Variants in PGM5 observed in about 807,000 individuals in gnomAD.
PGM5 encodes the protein phosphoglucomutase-like protein 5.
A neutral mutation model predicts 59.2 loss-of-function variants in PGM5; 23 were observed. The observed-to-expected ratio is 0.39, with a 90% CI of 0.28 to 0.55. PGM5 has a LOEUF of 0.55. Among genes scored for constraint, PGM5 ranks in the 20% least tolerant of loss-of-function variants. The pLI, the probability that PGM5 is intolerant of heterozygous loss-of-function variation, is 0.66. For synonymous variants in PGM5, 214 were observed against 286.0 expected (o/e 0.75, Z 2.54); for missense variants, 574 against 748.3 (o/e 0.77, Z 2.72).
chr9:68,418,934 G>C (rs1018665947), intron 6 of PGM5, among the ~76,000 whole-genome samples: 2 of 152,122 alleles, frequency 1.3e-5, no homozygotes, highest in African/African-American at 2.4e-5. Context: ...AGGCTTATGC[G>C]AGCTTTATAG....
intron 6 of PGM5, among the ~76,000 whole-genome samples, chr9:68,413,534 C>T (rs2987717): frequency 6.6e-6 from 1 of 152,328 alleles, no homozygotes; most frequent in South Asian, 2.1e-4. Context: ...ATGCTCTTAC[C>T]TTCAGGAAAA....
chr9:68,512,213 G>C (rs1311372870), intron 10 of PGM5, among the ~76,000 whole-genome samples: 2 of 152,222 alleles, frequency 1.3e-5, no homozygotes, highest in Non-Finnish European at 2.9e-5. Flanking sequence ...ATGAAAGGCA[G>C]GTTCATTGAA....
intron 4 of PGM5, among the ~76,000 whole-genome samples, chr9:68,388,293 A>G (rs537040902): frequency 3.9e-4 from 56 of 144,474 alleles, no homozygotes; most frequent in Non-Finnish European, 6.4e-4. Context: ...ATTTCCTTGG[A>G]AACAGCAATT....
chr9:68,407,822 C>T (rs536430891), intron 6 of PGM5, among the ~76,000 whole-genome samples: 1 of 152,358 alleles, frequency 6.6e-6, no homozygotes, highest in East Asian at 1.9e-4. Flanking sequence ...GAGAAACATC[C>T]TGAGCAAAAG....
At chr9:68,423,906 G>T (rs1823190594) in intron 6 of PGM5, among the ~76,000 whole-genome samples, 1 of 152,294 alleles carries the variant, frequency 6.6e-6, no homozygotes, top group South Asian at 2.1e-4. Flanking sequence ...GAAACAGAAT[G>T]TACCTAAATG....
At chr9:68,401,624 C>T (rs1363713332) in intron 6 of PGM5, among the ~76,000 whole-genome samples, 16 of 151,376 alleles carry the variant, frequency 1.1e-4, no homozygotes, top group African/African-American at 3.9e-4. Flanking sequence ...GTCTCAGTGC[C>T]ACCCAGTCTC....
chr9:68,378,399 C>T, intron 2 of PGM5, 38 bp downstream of exon 2: 1 of 1,543,684 alleles, frequency 6.5e-7, no homozygotes, highest in Non-Finnish European at 8.7e-7. Flanking sequence ...ATTACGATTT[C>T]TTTCCTCTTA....
At chr9:68,419,858 C>G (rs1227925109) in intron 6 of PGM5, among the ~76,000 whole-genome samples, 2 of 152,118 alleles carry the variant, frequency 1.3e-5, no homozygotes, top group African/African-American at 4.8e-5. Flanking sequence ...GTTGAGATAT[C>G]CCCCTCATCT....
intron 6 of PGM5, chr9:68,405,879 C>T (rs1382330533): frequency 6.6e-6 from 1 of 152,262 alleles, no homozygotes; most frequent in Non-Finnish European, 1.5e-5. Flanking sequence ...TTAATATTCT[C>T]TGTGTAAGGT....
intron 7 of PGM5, among the ~76,000 whole-genome samples, chr9:68,473,887 C>G (rs1452882330): frequency 6.6e-6 from 1 of 151,970 alleles, no homozygotes; most frequent in Non-Finnish European, 1.5e-5. Context: ...AGTGAGAACC[C>G]CCCCATGTGA....
At chr9:68,433,463 A>C (rs1306785998) in intron 6 of PGM5, among the ~76,000 whole-genome samples, 1 of 152,236 alleles carries the variant, frequency 6.6e-6, no homozygotes, top group African/African-American at 2.4e-5. Flanking sequence ...TTTGATTAGT[A>C]AACAAATCCA....
chr9:68,524,897 C>T (rs771056291), intron 10 of PGM5, among the ~76,000 whole-genome samples: 3 of 152,208 alleles, frequency 2.0e-5, no homozygotes, highest in Non-Finnish European at 2.9e-5. Context: ...AATCCTGTGT[C>T]GCACTGGGCT....
At chr9:68,413,619 G>T in intron 6 of PGM5, among the ~76,000 whole-genome samples, 1 of 152,178 alleles carries the variant, frequency 6.6e-6, no homozygotes, top group Non-Finnish European at 1.5e-5. Context: ...AGAACTCAAA[G>T]AATTCAAAGC....
chr9:68,425,517 T>C (rs1245195143), intron 6 of PGM5, among the ~76,000 whole-genome samples: 1 of 152,154 alleles, frequency 6.6e-6, no homozygotes, highest in Non-Finnish European at 1.5e-5. Flanking sequence ...TTAATGTACA[T>C]AATGGAGAAA....
chr9:68,521,521 A>G (rs933507601), intron 10 of PGM5, among the ~76,000 whole-genome samples: 32 of 152,150 alleles, frequency 2.1e-4, no homozygotes, highest in Non-Finnish European at 5.9e-5. Flanking sequence ...TCTGCTAACC[A>G]TTTGGTAAAG....
At chr9:68,447,293 C>A (rs1478921612) in intron 6 of PGM5, among the ~76,000 whole-genome samples, 3 of 152,216 alleles carry the variant, frequency 2.0e-5, no homozygotes, top group Non-Finnish European at 4.4e-5. Context: ...CCTGACATTA[C>A]TTGTACTTGC....
intron 10 of PGM5, among the ~76,000 whole-genome samples, chr9:68,506,606 T>C (rs184790113): frequency 2.2e-3 from 334 of 152,340 alleles, no homozygotes; most frequent in African/African-American, 7.7e-3. Flanking sequence ...AAAATAATAA[T>C]GTTCTAAATA....
intron 1 of PGM5, among the ~76,000 whole-genome samples, chr9:68,358,864 G>A (rs1319795969): frequency 6.6e-6 from 1 of 151,848 alleles, no homozygotes; most frequent in African/African-American, 2.4e-5. Context: ...GGATATATGG[G>A]GTTTGATTTA....
At chr9:68,486,380 C>A (rs939477074) in intron 9 of PGM5, among the ~76,000 whole-genome samples, 2 of 152,150 alleles carry the variant, frequency 1.3e-5, no homozygotes, top group African/African-American at 2.4e-5. Context: ...CAATTCAGAA[C>A]ACTTTCATCA....
Sources: gnomAD v4.1 joint callset for allele counts (sites outside exome capture counted in the v4.1 genomes callset) on GRCh38, gnomAD v4.1.1 for gene constraint, MANE v1.5 for transcripts, NCBI Gene and HGNC (gene_info 2026-07-23, HGNC 2026-07-21) for gene names.